The following TIPIN variants were observed in gnomAD, a reference collection of about 807,000 sequenced individuals.
TIPIN encodes the protein TIMELESS interacting protein, also known as TIMELESS-interacting protein.
TIPIN carries 29 observed loss-of-function variants against 35.6 expected under a neutral mutation model. The observed-to-expected ratio is 0.82, with a 90% confidence interval of 0.61 to 1.11. The LOEUF (loss-of-function observed/expected upper bound fraction) is 1.11. Ranked by LOEUF, TIPIN falls within the 50% of genes most tolerant of loss-of-function variation. The pLI, the probability that TIPIN is intolerant of heterozygous loss-of-function variation, is 0.00. For synonymous variants in TIPIN, 102 were observed against 121.5 expected (o/e 0.84, Z 1.06); for missense variants, 296 against 345.4 (o/e 0.86, Z 1.13).
At chr15:66,365,686 A>T (rs2093251141) in intron 1 of TIPIN, among the ~76,000 whole-genome samples, 1 of 152,146 alleles carries the variant, frequency 6.6e-6, no homozygotes. Context: ...AGCTGGGATT[A>T]CAGGTGCGTG....
chr15:66,364,365 C>T (rs2093244922), intron 1 of TIPIN, among the ~76,000 whole-genome samples: 1 of 151,574 alleles, frequency 6.6e-6, no homozygotes, highest in South Asian at 2.1e-4. Context: ...GGGGTTTCAC[C>T]ACGTTGGCCA....
At chr15:66,381,095 G>A (rs2093316941) in intron 1 of TIPIN, among the ~76,000 whole-genome samples, 1 of 152,156 alleles carries the variant, frequency 6.6e-6, no homozygotes, top group South Asian at 2.1e-4. Flanking sequence ...ATCAAAGTGT[G>A]TGAATATTTC....
intron 1 of TIPIN, among the ~76,000 whole-genome samples, chr15:66,355,661 G>T (rs1457170503): frequency 6.6e-6 from 1 of 152,094 alleles, no homozygotes; most frequent in Admixed American, 6.5e-5. Flanking sequence ...TGAGGCAGGA[G>T]AATCATTTGA....
chr15:66,340,598 A>G (rs2093079631), intron 7 of TIPIN, among the ~76,000 whole-genome samples: 1 of 152,020 alleles, frequency 6.6e-6, no homozygotes, highest in Non-Finnish European at 1.5e-5. Flanking sequence ...AGTGATTAAA[A>G]TAAATTCTTT....
In TIPIN at chr15:66,349,067, G is replaced by A. The variant is rs1391939177; in HGVS notation, c.468C>T (p.Ser156=). 2 of 1,608,764 alleles carry A rather than the reference G, an allele frequency of 1.2e-6. No individual in the cohort carries two copies. Among genetic ancestry groups the A allele is most frequent in the Non-Finnish European group, 1.7e-6 (2 of 1,177,168 alleles). ...DLPILHEDFV[S]NNDEVAENNE... ...ATAAACCTATATTCTTACCATTATT[G>A]CTAACAAAATCTTCATGTAAAATAG... Residue 156 remains serine (S), a synonymous_variant, in exon 6 of 8, where the codon AGC becomes AGT. Coordinates refer to ENST00000261881, the MANE Select transcript of TIPIN (RefSeq NM_017858.3).
At chr15:66,340,560 G>A (rs1566970704) in intron 7 of TIPIN, among the ~76,000 whole-genome samples, 2 of 151,842 alleles carry the variant, frequency 1.3e-5, no homozygotes, top group Admixed American at 1.3e-4. Flanking sequence ...AGGGAAGAAT[G>A]TTTATTAAGA....
intron 1 of TIPIN, chr15:66,379,986 T>A (rs2093312177): frequency 5.3e-6 from 2 of 376,012 alleles, no homozygotes; most frequent in South Asian, 2.5e-5. Flanking sequence ...CCTTCATTTC[T>A]TTTCTTTCTT....
chr15:66,342,794 A>G (rs911399553), intron 6 of TIPIN, among the ~76,000 whole-genome samples: 11 of 152,256 alleles, frequency 7.2e-5, no homozygotes, highest in Non-Finnish European at 1.6e-4. Context: ...AGTGTGCTCT[A>G]CATTATAAGT....
At chr15:66,341,458 A>G (rs962995364) in intron 6 of TIPIN, 102 bp from the exon 7 acceptor site, 3 of 971,620 alleles carry the variant, frequency 3.1e-6, no homozygotes, top group Admixed American at 2.8e-5. Flanking sequence ...GACCTGAAAA[A>G]ACAATTTGTG....
At chr15:66,358,174 A>G (rs1253316677), upstream of TIPIN, among the ~76,000 whole-genome samples, 1 of 152,194 alleles carries the variant, frequency 6.6e-6, no homozygotes, top group Non-Finnish European at 1.5e-5. Flanking sequence ...ATTTGTTTGT[A>G]TACACACAAA....
intron 1 of TIPIN, among the ~76,000 whole-genome samples, chr15:66,365,783 G>C (rs908388576): frequency 2.6e-5 from 4 of 152,092 alleles, no homozygotes; most frequent in African/African-American, 7.2e-5. Context: ...CTGACCTCGT[G>C]ATCTGCCCGC....
At chr15:66,360,551 C>T (rs374191247), upstream of TIPIN, among the ~76,000 whole-genome samples, 5 of 152,160 alleles carry the variant, frequency 3.3e-5, no homozygotes, top group African/African-American at 9.7e-5. Context: ...AATTGTCCAC[C>T]GGATGCAGTG....
chr15:66,373,941 G>A (rs983011136), intron 1 of TIPIN, among the ~76,000 whole-genome samples: 5 of 152,056 alleles, frequency 3.3e-5, no homozygotes, highest in African/African-American at 9.7e-5. Flanking sequence ...GGGCTCAAGC[G>A]ACCCTTTTGA....
At chr15:66,339,183 T>C (rs1250681077) in intron 7 of TIPIN, among the ~76,000 whole-genome samples, 1 of 148,602 alleles carries the variant, frequency 6.7e-6, no homozygotes, top group Non-Finnish European at 1.5e-5. Context: ...AAATTCATCT[T>C]AACTGAAAAA....
intron 7 of TIPIN, among the ~76,000 whole-genome samples, chr15:66,339,856 CA>C (rs2093072400): frequency 6.6e-6 from 1 of 151,526 alleles, no homozygotes; most frequent in South Asian, 2.1e-4. Context: ...AACCAAGTGA[CA>C]AAACACAAGA....
intron 1 of TIPIN, chr15:66,371,236 A>G: frequency 2.0e-6 from 2 of 984,848 alleles, no homozygotes; most frequent in South Asian, 4.7e-5. Flanking sequence ...AAGTGTATCA[A>G]GCTTTCTACT....
chr15:66,379,420 T>C (rs2093309690), intron 1 of TIPIN: 10 of 1,603,308 alleles, frequency 6.2e-6, no homozygotes, highest in Non-Finnish European at 8.5e-6. Context: ...TTTTAAACTG[T>C]TGTGGCTTGC....
chr15:66,356,066 A>G (rs906160131), intron 1 of TIPIN, among the ~76,000 whole-genome samples: 1 of 151,820 alleles, frequency 6.6e-6, no homozygotes, highest in East Asian at 1.9e-4. Flanking sequence ...TACTTCTCCA[A>G]CTCCCAGAAG....
intron 1 of TIPIN, among the ~76,000 whole-genome samples, chr15:66,385,739 G>A (rs1184905392): frequency 2.0e-5 from 3 of 152,034 alleles, no homozygotes; most frequent in East Asian, 1.9e-4. Context: ...CACCCGTCTC[G>A]GCCTCCCAAA....
Sources: gnomAD v4.1 joint callset for allele counts (sites outside exome capture counted in the v4.1 genomes callset) on GRCh38, gnomAD v4.1.1 for gene constraint, MANE v1.5 for transcripts, NCBI Gene and HGNC (gene_info 2026-07-23, HGNC 2026-07-21) for gene names.